The following KCNG3 variants were observed in gnomAD, a reference collection of about 807,000 sequenced individuals.
The protein encoded by KCNG3 is voltage-gated potassium channel regulatory subunit KCNG3.
In KCNG3, 15 loss-of-function variants were observed where a neutral mutation model predicts 29.0. That is an observed-to-expected ratio of 0.52 (90% CI 0.35 to 0.80). KCNG3 has a LOEUF of 0.80. Ranked by LOEUF, KCNG3 falls within the 30% of genes least tolerant of loss-of-function variation. The probability of loss-of-function intolerance (pLI) is 0.01; values close to 1 mark genes in which losing one functional copy is unlikely to be tolerated. For synonymous variants in KCNG3, 322 were observed against 248.9 expected, an observed-to-expected ratio of 1.29 and a Z score of -2.76; for missense variants, 512 against 605.7, an observed-to-expected ratio of 0.85 and a Z score of 1.62.
At chr2:42,480,582 A>T (rs1673556783) in intron 1 of KCNG3, among the ~76,000 whole-genome samples, 1 of 152,138 alleles carries the variant, frequency 6.6e-6, no homozygotes, top group Admixed American at 6.6e-5. Context: ...AACTTTATTT[A>T]TGGACACTAA....
At chr2:42,440,384 T>C (rs529738376), downstream of KCNG3, 1 of 151,696 alleles carries the variant, frequency 6.6e-6, no homozygotes, top group Admixed American at 6.6e-5. Context: ...TTCATTTCTA[T>C]GGAAAAGAGG....
chr2:42,465,466 C>G (rs548271277), intron 1 of KCNG3, among the ~76,000 whole-genome samples: 1 of 152,276 alleles, frequency 6.6e-6, no homozygotes. Flanking sequence ...ATCCACCCAC[C>G]TCAGCCTCCC....
At chr2:42,414,321 C>A in the KCNG3 span, among the ~76,000 whole-genome samples, 1 of 152,120 alleles carries the variant, frequency 6.6e-6, no homozygotes, top group Non-Finnish European at 1.5e-5. Context: ...ACTCTACTGA[C>A]AGTTTAGCTG....
chr2:42,490,032 A>T (rs1572869407), intron 1 of KCNG3, among the ~76,000 whole-genome samples: 1 of 152,134 alleles, frequency 6.6e-6, no homozygotes, highest in East Asian at 1.9e-4. Flanking sequence ...TAACCCATTT[A>T]CCCTAAACAC....
At chr2:42,429,197 C>T in the KCNG3 span, among the ~76,000 whole-genome samples, 25,858 of 151,574 alleles carry the variant, frequency 0.17, 2,514 homozygotes, top group African/African-American at 0.28. Context: ...CACAGAGTTG[C>T]TCCTTTGCAA....
At chr2:42,388,404 A>G in the KCNG3 span, 1 of 152,346 alleles carries the variant, frequency 6.6e-6, no homozygotes, top group East Asian at 1.9e-4. Flanking sequence ...GATATTCACT[A>G]CAGAAAATAA....
At chr2:42,401,925 G>C in the KCNG3 span, among the ~76,000 whole-genome samples, 1 of 152,054 alleles carries the variant, frequency 6.6e-6, no homozygotes, top group Non-Finnish European at 1.5e-5. Flanking sequence ...CAAAAAACCA[G>C]AGAAATACTG....
chr2:42,425,415 A>AC, the KCNG3 span, among the ~76,000 whole-genome samples: 1 of 151,566 alleles, frequency 6.6e-6, no homozygotes, highest in Non-Finnish European at 1.5e-5. Context: ...AAAAAAAAAA[A>AC]AAATCAAATC....
chr2:42,492,395 G>C (rs1673904740), intron 1 of KCNG3, among the ~76,000 whole-genome samples: 1 of 152,142 alleles, frequency 6.6e-6, no homozygotes, highest in Admixed American at 6.5e-5. Flanking sequence ...TGTGGAGAGT[G>C]CACATTTCAC....
chr2:42,416,623 G>C, the KCNG3 span, among the ~76,000 whole-genome samples: 4 of 151,836 alleles, frequency 2.6e-5, no homozygotes. Context: ...GAGGCCAGGA[G>C]TTCAAAACCA....
At chr2:42,420,081 G>A in the KCNG3 span, among the ~76,000 whole-genome samples, 15 of 151,966 alleles carry the variant, frequency 9.9e-5, no homozygotes, top group Admixed American at 3.9e-4. Context: ...AAAATTAGCC[G>A]GGCATGGTGG....
intron 1 of KCNG3, among the ~76,000 whole-genome samples, chr2:42,484,342 G>A (rs772174603): frequency 6.6e-6 from 1 of 152,104 alleles, no homozygotes; most frequent in Non-Finnish European, 1.5e-5. Flanking sequence ...CACACCTGTA[G>A]TCCCAGCTAC....
intron 1 of KCNG3, among the ~76,000 whole-genome samples, chr2:42,480,247 G>C (rs1191004829): frequency 6.6e-6 from 1 of 151,876 alleles, no homozygotes; most frequent in Non-Finnish European, 1.5e-5. Context: ...ACTAGAATCA[G>C]GCATCACTTC....
At chr2:42,454,944 A>G (rs898486095) in intron 1 of KCNG3, among the ~76,000 whole-genome samples, 12 of 152,176 alleles carry the variant, frequency 7.9e-5, no homozygotes, top group African/African-American at 2.9e-4. Flanking sequence ...GCAAGATGAG[A>G]TGAAAAAGCT....
intron 1 of KCNG3, among the ~76,000 whole-genome samples, chr2:42,468,813 G>A (rs1041109710): frequency 2.0e-5 from 3 of 151,490 alleles, no homozygotes; most frequent in Non-Finnish European, 4.4e-5. Flanking sequence ...AAATTAGCTG[G>A]GCTTGGTGGC....
chr2:42,477,247 G>C (rs1673450607), intron 1 of KCNG3, among the ~76,000 whole-genome samples: 1 of 148,948 alleles, frequency 6.7e-6, no homozygotes, highest in African/African-American at 2.5e-5. Flanking sequence ...TAGATCAAAA[G>C]GTTTCCAGTG....
At position 42,463,764 on chromosome 2, in the gene KCNG3, G is replaced by A. The variant is rs551003854; in HGVS notation, c.666-19185C>T. On this transcript the variant is annotated intron_variant, in intron 1 of 1. Transcript: ENST00000306078. ...CACGCAATCTCGGTGCCTGGTGTGC[G>A]GTCAGTGTTTCATTTCTCCATAACT... is the stretch of plus-strand genomic sequence containing the variant. 81 of 188,804 alleles carry A rather than the reference G, an allele frequency of 4.3e-4. 1 individual carries two copies. The highest frequency in any genetic ancestry group is 2.1e-3 in the Middle Eastern group (1 of 468). The allele number at this position is 188,804 out of a possible 1,614,324, so 11.7% of individuals were successfully genotyped here.
chr2:42,451,318 C>G (rs1672748566), intron 1 of KCNG3, among the ~76,000 whole-genome samples: 1 of 151,796 alleles, frequency 6.6e-6, no homozygotes, highest in Non-Finnish European at 1.5e-5. Context: ...TGACACACAC[C>G]TGTAATCTCA....
chr2:42,392,292 GT>G, the KCNG3 span, among the ~76,000 whole-genome samples: 1 of 151,986 alleles, frequency 6.6e-6, no homozygotes, highest in Non-Finnish European at 1.5e-5. Context: ...AGGTCACCTG[GT>G]CCCTTCCTCT....
Sources: gnomAD v4.1 joint callset for allele counts (sites outside exome capture counted in the v4.1 genomes callset) on GRCh38, gnomAD v4.1.1 for gene constraint, MANE v1.5 for transcripts, NCBI Gene and HGNC (gene_info 2026-07-23, HGNC 2026-07-21) for gene names.